The following TOM1 variants were observed in gnomAD, a reference collection of about 807,000 sequenced individuals.
TOM1 encodes target of Myb protein 1.
Under a neutral mutation model 61.3 loss-of-function variants are expected in TOM1, and 38 were observed. That is an observed-to-expected ratio of 0.62 (90% CI 0.48 to 0.81). The LOEUF (loss-of-function observed/expected upper bound fraction) is 0.81. TOM1 is among the 40% of genes least tolerant of loss of function. TOM1 has a pLI of 0.00. For missense variants in TOM1, 591 were observed against 659.6 expected (o/e 0.90, Z 1.14); for synonymous variants, 270 against 268.8 (o/e 1.00, Z -0.04).
At position 35,347,079 on chromosome 22, in the gene TOM1, G is replaced by T; in HGVS notation, c.1349G>T (p.Arg450Leu). 6.2e-7 allele frequency: 1 copy of T among 1,609,492 alleles called. No homozygotes were observed. The highest frequency in any genetic ancestry group is 8.5e-7 in the Non-Finnish European group (1 of 1,177,450). ...GAATTTGACAAATTCCTGGAAGAAC[G>T]GGCCAAAGCCGCGGACCGATTGCCC... The part of the protein sequence containing the change: ...SEEFDKFLEE[R>L]AKAADRLPNL... The change falls in exon 15 of 15, where the codon CGG becomes CTG. Residue 450 changes from arginine (R) to leucine (L), a missense_variant. Arg to Leu is a moderately radical substitution (Grantham distance 102). Coordinates refer to ENST00000449058, the MANE Select transcript of TOM1 (RefSeq NM_005488.3).
chr22:35,320,987 G>GAAAAAAAAAAAAAAAAAAAAA (rs138783), intron 2 of TOM1, among the ~76,000 whole-genome samples: 1 of 88,952 alleles, frequency 1.1e-5, no homozygotes, highest in Non-Finnish European at 2.4e-5. Flanking sequence ...GTCTCAGAAG[G>GAAAAAAAAAAAAAAAAAAAAA]AAAAAAAAAA....
chr22:35,347,217 G>T lies in TOM1; in HGVS notation c.*8G>T, dbSNP rs1405119996. ...ATGCTGTTTGCCTTATGAGTGTGGG[G>T]TCTGGCACCCTGCAGCCCAGGTCCC... On this transcript the variant is annotated 3_prime_UTR_variant, in exon 15 of 15. Transcript: ENST00000449058. The T allele has an allele frequency of 1.9e-6, 3 of 1,592,972 alleles. No homozygotes were observed. The highest frequency in any genetic ancestry group is 2.6e-6 in the Non-Finnish European group (3 of 1,167,836).
intron 1 of TOM1, among the ~76,000 whole-genome samples, chr22:35,305,302 G>A (rs967572064): frequency 6.6e-6 from 1 of 152,238 alleles, no homozygotes; most frequent in African/African-American, 2.4e-5. Flanking sequence ...CTTCCCAGAG[G>A]ATTGGTAAGG....
intron 11 of TOM1, among the ~76,000 whole-genome samples, chr22:35,336,328 T>C (rs1175116181): frequency 1.3e-5 from 2 of 152,148 alleles, no homozygotes; most frequent in Non-Finnish European, 2.9e-5. Flanking sequence ...TCTGGTCACC[T>C]GACTGGCCTT....
intron 2 of TOM1, 183 bp downstream of exon 2, chr22:35,318,144 G>A: frequency 1.7e-6 from 1 of 597,132 alleles, no homozygotes; most frequent in Non-Finnish European, 3.0e-6. Flanking sequence ...ATCCAAGGTA[G>A]GAATTCACAG....
At chr22:35,335,985 G>A (rs371642949) in intron 11 of TOM1, among the ~76,000 whole-genome samples, 23 of 152,278 alleles carry the variant, frequency 1.5e-4, no homozygotes, top group Admixed American at 3.9e-4. Context: ...CTTCACACAG[G>A]GAAGGGGGCA....
intron 11 of TOM1, among the ~76,000 whole-genome samples, chr22:35,337,821 G>A (rs1020470309): frequency 6.6e-6 from 1 of 152,174 alleles, no homozygotes; most frequent in African/African-American, 2.4e-5. Context: ...AAGCTGCACT[G>A]AGCCAGTGCT....
At chr22:35,302,092 G>A (rs568213904) in intron 1 of TOM1, among the ~76,000 whole-genome samples, 2 of 152,294 alleles carry the variant, frequency 1.3e-5, no homozygotes, top group African/African-American at 4.8e-5. Flanking sequence ...TCTTGGGCAA[G>A]AAATACTTCT....
chr22:35,343,233 C>CAT (rs1930084135), intron 12 of TOM1, among the ~76,000 whole-genome samples: 9 of 140,536 alleles, frequency 6.4e-5, no homozygotes, highest in African/African-American at 8.1e-5. Context: ...ACCACACACA[C>CAT]ATCTACACCC....
intron 3 of TOM1, chr22:35,322,505 G>T (rs1005574316): frequency 1.6e-5 from 3 of 187,556 alleles, no homozygotes; most frequent in Admixed American, 5.7e-5. Flanking sequence ...CCTCCTAGCC[G>T]TCAGCATGGG....
At chr22:35,336,121 T>TCAGCTGAGCA in intron 11 of TOM1, among the ~76,000 whole-genome samples, 1 of 152,162 alleles carries the variant, frequency 6.6e-6, no homozygotes, top group Non-Finnish European at 1.5e-5. Flanking sequence ...GAAACTGCCT[T>TCAGCTGAGCA]CAGCTGAGCA....
intron 12 of TOM1, chr22:35,345,425 C>G (rs1038728247): frequency 2.0e-6 from 1 of 494,018 alleles, no homozygotes; most frequent in Non-Finnish European, 3.7e-6. Flanking sequence ...CTCCTCCAGC[C>G]TAGAATCCTA....
At chr22:35,300,406 G>A (rs1925643703) in intron 1 of TOM1, among the ~76,000 whole-genome samples, 1 of 152,194 alleles carries the variant, frequency 6.6e-6, no homozygotes, top group African/African-American at 2.4e-5. Context: ...ACCTGAGAAG[G>A]GCTAGAAGTC....
upstream of TOM1, chr22:35,299,433 A>T (rs1216057465): frequency 6.5e-6 from 1 of 153,952 alleles, no homozygotes; most frequent in East Asian, 1.9e-4. Context: ...AGACCTTGAC[A>T]TCAAACAGGA....
upstream of TOM1, chr22:35,299,696 C>T: frequency 1.7e-6 from 1 of 576,798 alleles, no homozygotes; most frequent in Non-Finnish European, 3.1e-6. Context: ...ACCCCAGACC[C>T]TACATCGTGT....
chr22:35,313,362 A>G (rs1927005413), intron 1 of TOM1, among the ~76,000 whole-genome samples: 1 of 151,204 alleles, frequency 6.6e-6, no homozygotes, highest in Admixed American at 6.6e-5. Context: ...AAAAAGAAAG[A>G]AAGGGGTGAT....
intron 3 of TOM1, 170 bp from the exon 4 acceptor site, chr22:35,322,858 C>T: frequency 2.5e-6 from 2 of 804,310 alleles, no homozygotes; most frequent in Middle Eastern, 3.6e-4. Context: ...AACAAGTCCC[C>T]CAGTCCTGGC....
chr22:35,299,827 A>C (rs2145589183), upstream of TOM1: 55 of 1,353,162 alleles, frequency 4.1e-5, no homozygotes, highest in East Asian at 1.9e-4. Flanking sequence ...CGCCCCGCCC[A>C]CGCCTCCTCG....
intron 1 of TOM1, among the ~76,000 whole-genome samples, chr22:35,303,632 G>C (rs1214241379): frequency 6.6e-6 from 1 of 151,642 alleles, no homozygotes; most frequent in African/African-American, 2.4e-5. Context: ...CGAGTAGCTG[G>C]GATTAGAGGT....
Sources: gnomAD v4.1 joint callset for allele counts (sites outside exome capture counted in the v4.1 genomes callset) on GRCh38, gnomAD v4.1.1 for gene constraint, MANE v1.5 for transcripts, NCBI Gene and HGNC (gene_info 2026-07-23, HGNC 2026-07-21) for gene names.